The following LPP variants were observed in gnomAD, a reference collection of about 807,000 sequenced individuals.
The protein encoded by LPP is LIM domain containing preferred translocation partner in lipoma.
LPP carries 38 observed loss-of-function variants against 60.4 expected under a neutral mutation model. The observed-to-expected ratio is 0.63, with a 90% confidence interval of 0.49 to 0.83. The LOEUF (loss-of-function observed/expected upper bound fraction) is 0.83, where lower values mean the gene tolerates loss of function less well. Among genes scored for constraint, LPP ranks in the 40% least tolerant of loss-of-function variants. The pLI is 0.00. For synonymous variants in LPP, 328 were observed against 290.8 expected (o/e 1.13, Z -1.30); for missense variants, 902 against 783.6 (o/e 1.15, Z -1.80).
intron 5 of LPP, among the ~76,000 whole-genome samples, chr3:188,519,099 T>G (rs927529559): frequency 1.3e-5 from 2 of 152,238 alleles, no homozygotes; most frequent in African/African-American, 2.4e-5. Context: ...GGTTTTTGAC[T>G]AGTAGAATAC....
rs1421474157 is a variant in LPP at position 188,610,571 on chromosome 3, G to A, written c.1113+727G>A. ...ATTCTTCAGCCTTTAGCACTATTAA[G>A]CAATGTTTAAAAACTCCTTATGAGT... On this transcript the variant is annotated intron_variant, in intron 7 of 11. Coordinates refer to ENST00000617246, the MANE Select transcript of LPP (RefSeq NM_001375462.1). This position sits in a 1 kb window ranked among gnomAD's most constrained non-coding sequence, Gnocchi z 4.4. Among the ~76,000 whole-genome samples the A allele has an allele frequency of 6.6e-6, 1 of 152,140 alleles. No homozygotes were observed. Among genetic ancestry groups the A allele is most frequent in the East Asian group, 1.9e-4 (1 of 5,198 alleles).
intron 4 of LPP, among the ~76,000 whole-genome samples, chr3:188,435,256 G>A (rs1358563365): frequency 2.6e-5 from 4 of 152,132 alleles, no homozygotes; most frequent in Admixed American, 6.5e-5. Context: ...TCAAAGAATG[G>A]AGTCTTAATT....
At chr3:188,585,716 T>C (rs1374861794) in intron 6 of LPP, among the ~76,000 whole-genome samples, 3 of 152,262 alleles carry the variant, frequency 2.0e-5, no homozygotes, top group Non-Finnish European at 2.9e-5. Context: ...TTTATACAGG[T>C]ATTTCATAAG....
chr3:188,761,205 C>T (rs1452258719), intron 9 of LPP, among the ~76,000 whole-genome samples: 1 of 152,138 alleles, frequency 6.6e-6, no homozygotes, highest in Non-Finnish European at 1.5e-5. Context: ...ATAAAAGACA[C>T]CTTGGTTTCT....
chr3:188,273,398 G>C (rs1205299987), intron 2 of LPP, among the ~76,000 whole-genome samples: 1 of 152,006 alleles, frequency 6.6e-6, no homozygotes, highest in African/African-American at 2.4e-5. Context: ...ACCTAATATG[G>C]TGCCAGGCTT....
intron 7 of LPP, among the ~76,000 whole-genome samples, chr3:188,682,076 T>C (rs1859658098): frequency 6.6e-6 from 1 of 152,214 alleles, no homozygotes; most frequent in Admixed American, 6.5e-5. Context: ...GTATTCATAC[T>C]GTATCCTCGT....
At position 188,890,647 on chromosome 3, in the gene LPP, T is replaced by C. The variant is rs1771144702; in HGVS notation, c.*16168T>C. 1 of 170,392 alleles carries C rather than the reference T, an allele frequency of 5.9e-6. No homozygotes were observed. The highest frequency in any genetic ancestry group is 1.1e-4 in the East Asian group (1 of 8,886). 10.6% of individuals were successfully genotyped at this position (170,392 alleles called of 1,614,324 possible). ...GCAACTACTTTATTATATTTAGAAA[T>C]CCAATAAACTTCTTATTACATTTAC... On this transcript the variant is annotated 3_prime_UTR_variant, in exon 12 of 12. Coordinates refer to ENST00000617246, the MANE Select transcript of LPP (RefSeq NM_001375462.1).
At chr3:188,169,817 C>G (rs546647896) in intron 1 of LPP, among the ~76,000 whole-genome samples, 39 of 152,330 alleles carry the variant, frequency 2.6e-4, no homozygotes, top group African/African-American at 9.1e-4. Context: ...AAGGGGTACT[C>G]AGACATTCAC....
Position 188,274,741 on chromosome 3 carries a change from A to G in LPP, c.-67+49214A>G, listed in dbSNP as rs149315284. On this transcript the variant is annotated intron_variant, in intron 2 of 11. Transcript: ENST00000617246. ...TAGCCTCTTAAGATTAGGCACAGCC[A>G]CACAAAGAAGTGCCAGTCTTGCAGG... 2.6e-5 allele frequency among the ~76,000 whole-genome samples: 4 copies of G among 152,352 alleles called. No homozygotes were observed. The East Asian group carries it at 7.7e-4, about 29-fold the overall frequency.
intron 7 of LPP, among the ~76,000 whole-genome samples, chr3:188,704,757 T>TTTGTTGTTG (rs35521611): frequency 5.3e-5 from 8 of 150,710 alleles, no homozygotes; most frequent in South Asian, 4.2e-4. Context: ...AGATACCTGT[T>TTTGTTGTTG]TTGTTGTTGT....
At chr3:188,377,560 G>A (rs943209346) in intron 3 of LPP, among the ~76,000 whole-genome samples, 1 of 152,044 alleles carries the variant, frequency 6.6e-6, no homozygotes, top group African/African-American at 2.4e-5. Flanking sequence ...GCTCCATCAG[G>A]TCCTTTAAGG....
At chr3:188,601,836 A>G (rs1356114102) in intron 6 of LPP, among the ~76,000 whole-genome samples, 1 of 152,072 alleles carries the variant, frequency 6.6e-6, no homozygotes, top group Admixed American at 6.6e-5. Flanking sequence ...TGGGAGGCCA[A>G]GGCAGATGGA....
chr3:188,852,700 C>A (rs1353163091), intron 9 of LPP, among the ~76,000 whole-genome samples: 3 of 152,202 alleles, frequency 2.0e-5, no homozygotes, highest in Non-Finnish European at 4.4e-5. Flanking sequence ...ACTTCCCACC[C>A]TCCATTATCA....
chr3:188,757,120 T>G (rs1425327082), intron 8 of LPP, among the ~76,000 whole-genome samples: 2 of 152,192 alleles, frequency 1.3e-5, no homozygotes, highest in Non-Finnish European at 2.9e-5. Context: ...CCCCTGTGAG[T>G]GTGGTTTTCC....
At chr3:188,238,483 C>A (rs1577461397) in intron 2 of LPP, among the ~76,000 whole-genome samples, 1 of 152,034 alleles carries the variant, frequency 6.6e-6, no homozygotes, top group Non-Finnish European at 1.5e-5. Context: ...CCATTTCTAG[C>A]TTTTGATTAA....
chr3:188,617,124 CTT>C (rs1377751476), intron 7 of LPP, among the ~76,000 whole-genome samples: 3 of 152,110 alleles, frequency 2.0e-5, no homozygotes, highest in African/African-American at 7.2e-5. Flanking sequence ...CGTGATACAA[CTT>C]TAAAGGAAAT....
chr3:188,269,427 A>G (rs925334292), intron 2 of LPP, among the ~76,000 whole-genome samples: 1 of 152,184 alleles, frequency 6.6e-6, no homozygotes, highest in African/African-American at 2.4e-5. Context: ...TCTTTGTACA[A>G]TTCCTTTCAA....
chr3:188,357,810 T>C (rs1413974430), intron 3 of LPP, among the ~76,000 whole-genome samples: 1 of 152,194 alleles, frequency 6.6e-6, no homozygotes, highest in Non-Finnish European at 1.5e-5. Flanking sequence ...AAAAACAGCA[T>C]GTTTGCTATC....
intron 1 of LPP, among the ~76,000 whole-genome samples, chr3:188,200,690 C>T (rs78527569): frequency 3.3e-5 from 5 of 152,052 alleles, no homozygotes; most frequent in African/African-American, 4.8e-5. Flanking sequence ...ATCTTACTGG[C>T]GGAACCTAAT....
Sources: gnomAD v4.1 joint callset for allele counts (sites outside exome capture counted in the v4.1 genomes callset) on GRCh38, gnomAD v4.1.1 for gene constraint, Gnocchi (gnomAD v3.1) non-coding constraint, MANE v1.5 for transcripts, NCBI Gene and HGNC (gene_info 2026-07-23, HGNC 2026-07-21) for gene names.